UBE2N: variants seen among roughly 807,000 people sequenced by gnomAD.
The protein encoded by UBE2N is ubiquitin conjugating enzyme E2 N.
For synonymous variants in UBE2N, 70 were observed against 69.2 expected, an observed-to-expected ratio of 1.01 and a Z score of -0.06; for missense variants, 60 against 192.1, an observed-to-expected ratio of 0.31 and a Z score of 4.07.
rs188321696 is a variant in UBE2N at position 93,431,572 on chromosome 12, T to C, written c.30+10283A>G. On this transcript the variant is annotated intron_variant, in intron 1 of 3. Coordinates refer to ENST00000318066, the MANE Select transcript of UBE2N (RefSeq NM_003348.4). ...CACGTAACATGCTTAGAACAGTGCC[T>C]GGTACACGATGCCAATGAAAGATGT... is the stretch of plus-strand genomic sequence containing the variant. 1.2e-4 allele frequency among the ~76,000 whole-genome samples: 19 copies of C among 152,340 alleles called. No homozygotes were observed. In the East Asian group the frequency reaches 3.5e-3, roughly 28 times the overall value.
At position 93,434,301 on chromosome 12, in the gene UBE2N, A is replaced by T. The variant is rs929813663; in HGVS notation, c.30+7554T>A. Among the ~76,000 whole-genome samples, 4 of 152,250 alleles carry T rather than the reference A, an allele frequency of 2.6e-5. No homozygotes were observed. The South Asian group carries it at 8.3e-4, about 31-fold the overall frequency. On this transcript the variant is annotated intron_variant, in intron 1 of 3. Coordinates refer to ENST00000318066, the MANE Select transcript of UBE2N (RefSeq NM_003348.4). ...GCGAGACTCCGTCTCAACAAAAAAA[A>T]ACTCTGGTTTTAAGAGTGGTCATTA...
chr12:93,426,825 C>T (rs1048521647), intron 1 of UBE2N, among the ~76,000 whole-genome samples: 1 of 151,500 alleles, frequency 6.6e-6, no homozygotes, highest in African/African-American at 2.4e-5. Context: ...GGGAAAACTG[C>T]GAGAGACGAC....
chr12:93,407,474 A>AG lies in UBE2N; in HGVS notation c.*2564dup, dbSNP rs1314558083. ...GGGATTACAAAGTCAAAGGCTTACA[A>AG]GGGGGAAGGACTAGCAGGTGTGCTC... On this transcript the variant is annotated 3_prime_UTR_variant, in exon 4 of 4. Transcript: ENST00000318066. 1 of 152,222 alleles carries AG rather than the reference A, an allele frequency of 6.6e-6. No homozygotes were observed. 9.4% of individuals were successfully genotyped at this position (152,222 alleles called of 1,614,324 possible). A position where few individuals can be genotyped will look rare whatever the true frequency, so the allele number is the denominator to read the frequency against.
rs1366530013 is a variant in UBE2N, at chr12:93,409,993, C to T, written c.*46G>A. 3 of 1,596,420 alleles carry T rather than the reference C, an allele frequency of 1.9e-6. No individual in the cohort carries two copies. The highest frequency in any genetic ancestry group is 1.8e-4 in the Middle Eastern group (1 of 5,446). On this transcript the variant is annotated 3_prime_UTR_variant, in exon 4 of 4. Coordinates refer to ENST00000318066, the MANE Select transcript of UBE2N (RefSeq NM_003348.4). Reference sequence around the variant, plus strand: ...TAAATGCAAACAAAGAGGAGGAAGTCTTGGCAGAACAGGAGAAGTGATGCA... The same window carrying T: ...TAAATGCAAACAAAGAGGAGGAAGTTTTGGCAGAACAGGAGAAGTGATGCA...
rs567939753 is a variant in UBE2N, at chr12:93,435,597, G to A, written c.30+6258C>T. 2.0e-5 allele frequency among the ~76,000 whole-genome samples: 3 copies of A among 152,356 alleles called. No individual in the cohort carries two copies. The South Asian group carries it at 6.2e-4, about 32-fold the overall frequency. ...GCCGAGATTGTGCCATTGCACTCCAGGCTGGGCAACAAAGCAAGACTCCCG... is the reference window on the plus strand; with the variant it reads ...GCCGAGATTGTGCCATTGCACTCCAAGCTGGGCAACAAAGCAAGACTCCCG... On this transcript the variant is annotated intron_variant, in intron 1 of 3. Coordinates refer to ENST00000318066, the MANE Select transcript of UBE2N (RefSeq NM_003348.4).
At chr12:93,426,499 A>G (rs1247131853) in intron 1 of UBE2N, among the ~76,000 whole-genome samples, 1 of 152,080 alleles carries the variant, frequency 6.6e-6, no homozygotes, top group East Asian at 1.9e-4. Flanking sequence ...GGTGGCTGGA[A>G]CACAGGTAGG....
intron 1 of UBE2N, among the ~76,000 whole-genome samples, chr12:93,423,362 GAGTT>G (rs1375883893): frequency 6.6e-6 from 1 of 152,226 alleles, no homozygotes; most frequent in Non-Finnish European, 1.5e-5. Context: ...AAAAGGTTAA[GAGTT>G]AGCAGACCAA....
rs1877864720 is a variant in UBE2N, at chr12:93,407,116, G to C, written c.*2923C>G. On this transcript the variant is annotated 3_prime_UTR_variant, in exon 4 of 4. Transcript: ENST00000318066. ...TCCTGCCTTGGCCTCCTAAAGTGCT[G>C]GGATTACAGGCATGAGCCACTGTGC... is the stretch of plus-strand genomic sequence containing the variant. 1 of 152,368 alleles carries C rather than the reference G, an allele frequency of 6.6e-6. No individual in the cohort carries two copies. The highest frequency in any genetic ancestry group is 2.4e-5 in the African/African-American group (1 of 41,432). The allele number at this position is 152,368 out of a possible 1,614,324, so 9.4% of individuals were successfully genotyped here.
intron 1 of UBE2N, among the ~76,000 whole-genome samples, chr12:93,431,236 G>GCCAA (rs1213114597): frequency 1.4e-5 from 2 of 142,872 alleles, no homozygotes; most frequent in African/African-American, 3.1e-5. Flanking sequence ...CTCAAAAAAA[G>GCCAA]CCAACCAACC....
At chr12:93,435,667 A>C (rs1308741346) in intron 1 of UBE2N, among the ~76,000 whole-genome samples, 1 of 150,362 alleles carries the variant, frequency 6.7e-6, no homozygotes, top group African/African-American at 2.5e-5. Context: ...CTTTTCTTAC[A>C]AAAAAAAATA....
At chr12:93,429,779 T>C (rs1421122471) in intron 1 of UBE2N, among the ~76,000 whole-genome samples, 1 of 152,064 alleles carries the variant, frequency 6.6e-6, no homozygotes. Flanking sequence ...ACAAAAAAGT[T>C]TTTTTAAAAA....
chr12:93,435,492 T>A (rs1226750079), intron 1 of UBE2N, among the ~76,000 whole-genome samples: 2 of 150,424 alleles, frequency 1.3e-5, no homozygotes, highest in African/African-American at 4.9e-5. Flanking sequence ...AAAAAAAAAA[T>A]GTTCAAGGCA....
chr12:93,423,338 G>A (rs1463788503), intron 1 of UBE2N, among the ~76,000 whole-genome samples: 1 of 152,162 alleles, frequency 6.6e-6, no homozygotes, highest in Non-Finnish European at 1.5e-5. Context: ...AACTCAATAG[G>A]AAAGGAAGTG....
At chr12:93,413,769 G>C (rs1220361930) in intron 1 of UBE2N, among the ~76,000 whole-genome samples, 10 of 152,104 alleles carry the variant, frequency 6.6e-5, no homozygotes. Flanking sequence ...GCAACCATCA[G>C]CTCTGACCTG....
rs374569242 is a variant in UBE2N at position 93,410,101 on chromosome 12, C to G, written c.419-22G>C. The stretch of plus-strand genomic sequence containing the variant: ...CTAGCTGTAGACAGAAACAAACATA[C>G]GATTATTATTTTACTTAGTTCAATA... On this transcript the variant is annotated intron_variant, in intron 3 of 3. Transcript: ENST00000318066. 1.9e-6 allele frequency: 3 copies of G among 1,609,524 alleles called. No individual in the cohort carries two copies. The Admixed American group carries it at 5.0e-5, about 27-fold the overall frequency.
intron 1 of UBE2N, among the ~76,000 whole-genome samples, chr12:93,412,349 C>T (rs1878053810): frequency 6.6e-6 from 1 of 152,198 alleles, no homozygotes; most frequent in South Asian, 2.1e-4. Flanking sequence ...AGCATTTGGA[C>T]ATTTCCCTGC....
intron 1 of UBE2N, among the ~76,000 whole-genome samples, chr12:93,418,175 AGCAAGACCCCATCTCT>A (rs1405465832): frequency 6.6e-6 from 1 of 152,098 alleles, no homozygotes; most frequent in African/African-American, 2.4e-5. Context: ...TGGGCAACAT[AGCAAGACCCCATCTCT>A]GCAAACCAAA....
At chr12:93,413,641 T>G (rs2060405115) in intron 1 of UBE2N, among the ~76,000 whole-genome samples, 1 of 152,156 alleles carries the variant, frequency 6.6e-6, no homozygotes, top group Non-Finnish European at 1.5e-5. Flanking sequence ...ATGATCCACC[T>G]TTTCCTTCAT....
At position 93,409,297 on chromosome 12, in the gene UBE2N, A is replaced by G. The variant is rs1028873880; in HGVS notation, c.*742T>C. On this transcript the variant is annotated 3_prime_UTR_variant, in exon 4 of 4. Coordinates refer to ENST00000318066, the MANE Select transcript of UBE2N (RefSeq NM_003348.4). ...GTTCCATCAGTTTCAATTTTAAAAT[A>G]CGATTGTCAAATTGGGAAAATGAAA... 1 of 154,834 alleles carries G rather than the reference A, an allele frequency of 6.5e-6. No individual in the cohort carries two copies. Among genetic ancestry groups the G allele is most frequent in the African/African-American group, 2.4e-5 (1 of 41,468 alleles). 9.6% of individuals were successfully genotyped at this position (154,834 alleles called of 1,614,324 possible).
Sources: gnomAD v4.1 joint callset for allele counts (sites outside exome capture counted in the v4.1 genomes callset) on GRCh38, gnomAD v4.1.1 for gene constraint, MANE v1.5 for transcripts, NCBI Gene and HGNC (gene_info 2026-07-23, HGNC 2026-07-21) for gene names.